The following CFAP61 variants were observed in gnomAD, a reference collection of about 807,000 sequenced individuals.
CFAP61 encodes cilia- and flagella-associated protein 61.
CFAP61 carries 107 observed loss-of-function variants against 135.6 expected under a neutral mutation model. The observed-to-expected ratio is 0.79, with a 90% CI of 0.67 to 0.93. CFAP61 has a LOEUF of 0.93. CFAP61 is among the 40% of genes least tolerant of loss of function. The pLI is 0.00. For synonymous variants in CFAP61, 575 were observed against 578.5 expected (o/e 0.99, Z 0.09); for missense variants, 1,507 against 1,556.2 (o/e 0.97, Z 0.53).
intron 13 of CFAP61, among the ~76,000 whole-genome samples, chr20:20,187,531 C>G (rs2146866056): frequency 6.6e-6 from 1 of 152,308 alleles, no homozygotes; most frequent in East Asian, 1.9e-4. Context: ...CTAAAAAGCA[C>G]ACAGCACTGT....
chr20:20,180,413 A>G (rs114557020), intron 13 of CFAP61, among the ~76,000 whole-genome samples: 99 of 152,300 alleles, frequency 6.5e-4, no homozygotes, highest in African/African-American at 2.3e-3. Context: ...ATCATAAGAA[A>G]AAAAGCTCTA....
chr20:20,106,444 T>C (rs1420759490), intron 8 of CFAP61, among the ~76,000 whole-genome samples: 2 of 152,246 alleles, frequency 1.3e-5, no homozygotes, highest in Non-Finnish European at 2.9e-5. Context: ...GACTGAGATC[T>C]GCATTCCTCC....
At chr20:20,266,972 T>A (rs1226161184) in intron 21 of CFAP61, among the ~76,000 whole-genome samples, 20 of 152,068 alleles carry the variant, frequency 1.3e-4, no homozygotes, top group Admixed American at 1.3e-3. Flanking sequence ...CTATGTGTGA[T>A]GGAATTAAAG....
chr20:20,195,423 G>A lies in CFAP61; in HGVS notation c.1591-1147G>A, dbSNP rs192226984. Among the ~76,000 whole-genome samples the A allele has an allele frequency of 9.8e-5, 15 of 152,340 alleles. No homozygotes were observed. In the East Asian group the frequency reaches 1.7e-3, roughly 18 times the overall value. Reference sequence around the variant, plus strand: ...TTGATTTTTCCTGCATTTTGGGTGCGTTTACTGCTGCTGTCATCAGAGAGT... The same window carrying A: ...TTGATTTTTCCTGCATTTTGGGTGCATTTACTGCTGCTGTCATCAGAGAGT... On this transcript the variant is annotated intron_variant, in intron 15 of 26. Transcript: ENST00000245957.
intron 2 of CFAP61, among the ~76,000 whole-genome samples, chr20:20,069,340 G>T (rs2045544164): frequency 6.6e-6 from 1 of 152,148 alleles, no homozygotes; most frequent in African/African-American, 2.4e-5. Flanking sequence ...GAGTACAGTG[G>T]TGCGATCTCG....
At chr20:20,242,353 A>T (rs974671764) in intron 18 of CFAP61, among the ~76,000 whole-genome samples, 3 of 152,236 alleles carry the variant, frequency 2.0e-5, no homozygotes, top group Non-Finnish European at 4.4e-5. Flanking sequence ...TACTGACTTT[A>T]ACCAGGGGGT....
rs148409224 is a variant in CFAP61, at chr20:20,122,929, GT to G, written c.860-19920del. 7.8e-3 allele frequency among the ~76,000 whole-genome samples: 1,182 copies of G among 151,354 alleles called. 7 individuals are homozygous for G. Among genetic ancestry groups the G allele is most frequent in the Non-Finnish European group, 0.012 (831 of 67,870 alleles). The stretch of plus-strand genomic sequence containing the variant: ...CACCACATCCACGCCAACATCTACT[GT>G]TTTTTTTAATATATTTTTTTATTAT... On this transcript the variant is annotated intron_variant, in intron 8 of 26. Transcript: ENST00000245957.
intron 21 of CFAP61, among the ~76,000 whole-genome samples, chr20:20,275,187 GAAA>G (rs2147038297): frequency 6.6e-6 from 1 of 152,314 alleles, no homozygotes; most frequent in East Asian, 1.9e-4. Context: ...CAAGCAGGAT[GAAA>G]CACACATGGT....
chr20:20,117,195 T>A (rs2146683266), intron 8 of CFAP61, among the ~76,000 whole-genome samples: 1 of 152,082 alleles, frequency 6.6e-6, no homozygotes, highest in Non-Finnish European at 1.5e-5. Flanking sequence ...AAATACAAAA[T>A]TAGCCAGGTA....
At chr20:20,283,127 C>G (rs955184870) in intron 22 of CFAP61, among the ~76,000 whole-genome samples, 2 of 152,148 alleles carry the variant, frequency 1.3e-5, no homozygotes, top group Non-Finnish European at 2.9e-5. Context: ...CTATTAATTG[C>G]TGAGAGAAGG....
intron 8 of CFAP61, among the ~76,000 whole-genome samples, chr20:20,129,621 T>G (rs1193931332): frequency 6.6e-6 from 1 of 151,602 alleles, no homozygotes; most frequent in African/African-American, 2.4e-5. Flanking sequence ...TGGAAAGTTT[T>G]TTTTTTTTTT....
chr20:20,186,248 A>C (rs2055489177), intron 13 of CFAP61, among the ~76,000 whole-genome samples: 1 of 152,222 alleles, frequency 6.6e-6, no homozygotes, highest in East Asian at 1.9e-4. Context: ...TATTCTGGAC[A>C]TTTCATATAA....
chr20:20,228,200 C>T (rs1187382978), intron 17 of CFAP61, 49 bp from the exon 18 acceptor site: 1 of 1,570,602 alleles, frequency 6.4e-7, no homozygotes, highest in Admixed American at 1.7e-5. Flanking sequence ...GGTATGAACA[C>T]TGCTACGTTT....
chr20:20,093,582 G>A (rs918207413), intron 7 of CFAP61, among the ~76,000 whole-genome samples: 2 of 151,660 alleles, frequency 1.3e-5, no homozygotes, highest in African/African-American at 4.8e-5. Context: ...TTACATGCAT[G>A]TGCCACCACA....
chr20:20,148,113 G>A (rs1218948126), intron 9 of CFAP61, among the ~76,000 whole-genome samples: 1 of 152,096 alleles, frequency 6.6e-6, no homozygotes, highest in Non-Finnish European at 1.5e-5. Context: ...TGGTCTACAT[G>A]CCTATTTTTA....
At chr20:20,344,871 G>A (rs118021856) in intron 26 of CFAP61, among the ~76,000 whole-genome samples, 94 of 151,442 alleles carry the variant, frequency 6.2e-4, no homozygotes, top group East Asian at 5.0e-3. Flanking sequence ...CAAGTGAATG[G>A]ATAAAAAAAA....
intron 17 of CFAP61, among the ~76,000 whole-genome samples, chr20:20,210,901 G>C (rs1225043656): frequency 6.6e-6 from 1 of 152,172 alleles, no homozygotes; most frequent in East Asian, 1.9e-4. Context: ...GAAATAGGAG[G>C]ATCACTTGAA....
intron 25 of CFAP61, among the ~76,000 whole-genome samples, chr20:20,337,582 ATG>A (rs758578219): frequency 6.6e-3 from 14 of 2,106 alleles, no homozygotes; most frequent in Non-Finnish European, 0.034. Flanking sequence ...GGATGGATAG[ATG>A]TGGGTGGATG....
Position 20,298,266 on chromosome 20 carries a change from C to T in CFAP61, c.3302C>T (p.Thr1101Met), listed in dbSNP as rs757377323. 1.9e-6 allele frequency: 3 copies of T among 1,613,842 alleles called. No homozygotes were observed. Among genetic ancestry groups the T allele is most frequent in the South Asian group, 1.1e-5 (1 of 91,084 alleles). ...INKYKMVETI[T>M]CLSREPFPAS... Reference sequence around the variant, plus strand: ...AAGTATAAAATGGTGGAAACCATCACGTGCCTTTCTAGGGAGCCCTTCCCC... The same window carrying T: ...AAGTATAAAATGGTGGAAACCATCATGTGCCTTTCTAGGGAGCCCTTCCCC... Residue 1101 changes from threonine (T) to methionine (M), a missense_variant, in exon 25 of 27, where the codon ACG becomes ATG. Thr to Met is a moderately conservative substitution (Grantham distance 81). Transcript: ENST00000245957.
Sources: gnomAD v4.1 joint callset for allele counts (sites outside exome capture counted in the v4.1 genomes callset) on GRCh38, gnomAD v4.1.1 for gene constraint, MANE v1.5 for transcripts, NCBI Gene and HGNC (gene_info 2026-07-23, HGNC 2026-07-21) for gene names.